POLR1E: variants seen among roughly 807,000 people sequenced by gnomAD.
POLR1E encodes the protein DNA-directed RNA polymerase I subunit RPA49.
In POLR1E, 37 loss-of-function variants were observed where a neutral mutation model predicts 50.9. The observed-to-expected ratio is 0.73, with a 90% confidence interval of 0.56 to 0.96. The LOEUF is 0.96. Ranked by LOEUF, POLR1E falls within the 40% of genes least tolerant of loss-of-function variation. The pLI is 0.00. For synonymous variants in POLR1E, 166 were observed against 191.6 expected (o/e 0.87, Z 1.10); for missense variants, 426 against 518.1 (o/e 0.82, Z 1.73).
intron 6 of POLR1E, 101 bp downstream of exon 6, chr9:37,493,804 G>T: frequency 7.8e-7 from 1 of 1,276,644 alleles, no homozygotes; most frequent in African/African-American, 1.5e-5. Context: ...GGGAGCTAGG[G>T]CTGGATTCCT....
intron 6 of POLR1E, among the ~76,000 whole-genome samples, chr9:37,494,902 C>T (rs1482311601): frequency 6.6e-6 from 1 of 152,196 alleles, no homozygotes; most frequent in Non-Finnish European, 1.5e-5. Flanking sequence ...TATGTATTAG[C>T]ACAGCTGTCA....
At chr9:37,499,749 G>A (rs1254326325) in intron 9 of POLR1E, among the ~76,000 whole-genome samples, 1 of 151,562 alleles carries the variant, frequency 6.6e-6, no homozygotes, top group African/African-American at 2.4e-5. Context: ...GGCTGGTCTC[G>A]AACACCTGAC....
chr9:37,492,283 T>G (rs1471069939), intron 4 of POLR1E: 1 of 1,292,442 alleles, frequency 7.7e-7, no homozygotes, highest in Non-Finnish European at 1.0e-6. Flanking sequence ...TGCTTTTAGG[T>G]CTTTCACCAA....
chr9:37,498,003 C>T (rs1820814091), intron 8 of POLR1E, 88 bp from the exon 9 acceptor site: 2 of 1,464,012 alleles, frequency 1.4e-6, no homozygotes, highest in Non-Finnish European at 1.9e-6. Flanking sequence ...GTGAGAGGCG[C>T]CTGCTGTTCT....
intron 3 of POLR1E, 47 bp from the exon 4 acceptor site, chr9:37,489,268 G>T: frequency 1.4e-6 from 2 of 1,381,386 alleles, no homozygotes; most frequent in Non-Finnish European, 2.0e-6. Flanking sequence ...TACAAATAAT[G>T]CTTTTGAATA....
intron 11 of POLR1E, 148 bp downstream of exon 11, chr9:37,501,992 A>G: frequency 1.2e-6 from 1 of 809,634 alleles, no homozygotes. Flanking sequence ...TCAATGAATG[A>G]ATCATTGACT....
chr9:37,493,747 G>T (rs747178630), intron 6 of POLR1E, 44 bp downstream of exon 6: 7 of 1,421,718 alleles, frequency 4.9e-6, no homozygotes, highest in Non-Finnish European at 6.5e-6. Flanking sequence ...CATAATGACA[G>T]CTTTCTCTTC....
chr9:37,486,254 C>T (rs1820572834), intron 1 of POLR1E, 131 bp downstream of exon 1: 2 of 1,305,610 alleles, frequency 1.5e-6, no homozygotes, highest in South Asian at 3.0e-5. Flanking sequence ...TCCACCACTC[C>T]CCTGGGCTCT....
In POLR1E at chr9:37,492,720, G is replaced by A; in HGVS notation, c.402+5G>A. The A allele has an allele frequency of 1.2e-6, 2 of 1,613,502 alleles. No homozygotes were observed. Among genetic ancestry groups the A allele is most frequent in the Non-Finnish European group, 1.7e-6 (2 of 1,179,528 alleles). On this transcript the variant is annotated splice_donor_5th_base_variant and intron_variant, in intron 5 of 11. Transcript: ENST00000377798. ...ACCAAAACTTACAGAGAAAAGGTGA[G>A]TGTGATAGAATTAAGATGTGGGACC...
intron 9 of POLR1E, among the ~76,000 whole-genome samples, chr9:37,499,788 C>T (rs1050920485): frequency 1.5e-4 from 22 of 151,410 alleles, no homozygotes; most frequent in Admixed American, 3.9e-4. Flanking sequence ...CTTGGCCTCC[C>T]ACAATGCTGG....
intron 4 of POLR1E, 62 bp from the exon 5 acceptor site, chr9:37,492,595 A>C: frequency 7.0e-7 from 1 of 1,418,938 alleles, no homozygotes; most frequent in Non-Finnish European, 9.9e-7. Flanking sequence ...ATTAAACACT[A>C]TTACTATTTG....
chr9:37,499,457 T>C (rs1820838992), intron 9 of POLR1E, among the ~76,000 whole-genome samples: 1 of 152,212 alleles, frequency 6.6e-6, no homozygotes, highest in African/African-American at 2.4e-5. Context: ...TGGCCTGTCA[T>C]TGACCAAAAC....
intron 11 of POLR1E, 98 bp from the exon 12 acceptor site, chr9:37,502,945 A>T (rs1052923170): frequency 1.6e-6 from 2 of 1,278,212 alleles, no homozygotes; most frequent in African/African-American, 3.0e-5. Context: ...TTCTGTCTTT[A>T]TGGCCTGGAG....
chr9:37,496,163 C>T (rs972955266), intron 8 of POLR1E, among the ~76,000 whole-genome samples, 177 bp downstream of exon 8: 4 of 152,118 alleles, frequency 2.6e-5, no homozygotes, highest in African/African-American at 9.7e-5. Flanking sequence ...GGGTCACATT[C>T]GAGGGAGAGG....
chr9:37,496,991 C>T (rs757878974), intron 8 of POLR1E, among the ~76,000 whole-genome samples: 5 of 152,132 alleles, frequency 3.3e-5, no homozygotes, highest in African/African-American at 1.2e-4. Context: ...AGAAAAAATG[C>T]TCAGGAGGAG....
rs559249622 is a variant in POLR1E at position 37,495,276 on chromosome 9, C to A, written c.655C>A (p.Leu219Ile). ...KPEDVYKFED[L>I]LSPAEYEALQ... Reference sequence around the variant, plus strand: ...TGAAGACGTGTATAAATTTGAAGATCGTATCCTTCTTGCAGTAGAAAAGCT... The same window carrying A: ...TGAAGACGTGTATAAATTTGAAGATAGTATCCTTCTTGCAGTAGAAAAGCT... The change falls in exon 7 of 12, where the codon CTT becomes ATT. Residue 219 changes from leucine to isoleucine, a missense_variant and splice_region_variant. Transcript: ENST00000377798. 3 of 1,610,334 alleles carry A rather than the reference C, an allele frequency of 1.9e-6. No homozygotes were observed. The highest frequency in any genetic ancestry group is 2.2e-5 in the South Asian group (2 of 91,026).
At chr9:37,496,623 CTTT>C (rs376455174) in intron 8 of POLR1E, among the ~76,000 whole-genome samples, 3 of 112,470 alleles carry the variant, frequency 2.7e-5, no homozygotes, top group Non-Finnish European at 3.7e-5. Context: ...ATTATTATTT[CTTT>C]TTTTTTTTTT....
chr9:37,493,021 A>G (rs1388042384), intron 5 of POLR1E, among the ~76,000 whole-genome samples: 3 of 152,212 alleles, frequency 2.0e-5, no homozygotes, highest in Admixed American at 2.0e-4. Context: ...TTTAGAATAT[A>G]TTGGTTGTAG....
chr9:37,489,978 C>T (rs964063408), intron 4 of POLR1E, among the ~76,000 whole-genome samples: 3 of 152,136 alleles, frequency 2.0e-5, no homozygotes, highest in African/African-American at 7.2e-5. Flanking sequence ...ATCCTGTCCC[C>T]ATAGTGTTTA....
Sources: gnomAD v4.1 joint callset for allele counts (sites outside exome capture counted in the v4.1 genomes callset) on GRCh38, gnomAD v4.1.1 for gene constraint, MANE v1.5 for transcripts, NCBI Gene and HGNC (gene_info 2026-07-23, HGNC 2026-07-21) for gene names.